Variants in TAMM41 observed in about 807,000 individuals in gnomAD.
TAMM41 encodes the protein TAM41 mitochondrial translocator assembly and maintenance homolog.
Under a neutral mutation model 44.1 loss-of-function variants are expected in TAMM41, and 36 were observed. The observed-to-expected ratio is 0.82, with a 90% CI of 0.63 to 1.08. The LOEUF is 1.08. TAMM41 is among the 50% of genes least tolerant of loss of function. The pLI is 0.00. For missense variants in TAMM41, 417 were observed against 404.3 expected (o/e 1.03, Z -0.27); for synonymous variants, 164 against 153.1 (o/e 1.07, Z -0.53).
chr3:11,799,290 T>C (rs1309127356), intron 7 of TAMM41, among the ~76,000 whole-genome samples: 1 of 152,100 alleles, frequency 6.6e-6, no homozygotes, highest in Non-Finnish European at 1.5e-5. Flanking sequence ...AAACCAAACA[T>C]AATCTTCACA....
At chr3:11,778,209 T>A in the TAMM41 span, among the ~76,000 whole-genome samples, 1 of 151,728 alleles carries the variant, frequency 6.6e-6, no homozygotes, top group African/African-American at 2.4e-5. Flanking sequence ...ATTTCTCGGT[T>A]ATATGAGAAC....
chr3:11,737,346 G>A, the TAMM41 span, among the ~76,000 whole-genome samples: 1 of 140,378 alleles, frequency 7.1e-6, no homozygotes, highest in African/African-American at 2.7e-5. Flanking sequence ...TTGAGACAGA[G>A]TTTCACTCTT....
the TAMM41 span, among the ~76,000 whole-genome samples, chr3:11,725,148 T>C: frequency 7.6e-6 from 1 of 131,372 alleles, no homozygotes; most frequent in African/African-American, 2.9e-5. Context: ...TCTCCTCTTC[T>C]CCTTCCTCTT....
rs73134807 is a variant in TAMM41, at chr3:11,814,689, G to A, written c.708+2503C>T. ...TAGAAAAGGCCCACTGAGGCTGGGC[G>A]CTGTGGCTCACACCAGTTAACCCAA... is the stretch of plus-strand genomic sequence containing the variant. On this transcript the variant is annotated intron_variant, in intron 5 of 7. Transcript: ENST00000455809. 4.8e-3 allele frequency among the ~76,000 whole-genome samples: 736 copies of A among 152,316 alleles called. 4 individuals are homozygous for A. The highest frequency in any genetic ancestry group is 0.034 in the Middle Eastern group (10 of 294).
chr3:11,845,086 G>A (rs907211720), intron 1 of TAMM41: 18 of 436,414 alleles, frequency 4.1e-5, no homozygotes, highest in Middle Eastern at 3.4e-4. Flanking sequence ...GGAAGCTGCC[G>A]TCAGATATGA....
chr3:11,845,085 C>T (rs777110606), intron 1 of TAMM41: 23 of 436,536 alleles, frequency 5.3e-5, no homozygotes, highest in South Asian at 3.0e-4. Flanking sequence ...TGGAAGCTGC[C>T]GTCAGATATG....
At chr3:11,807,007 C>CA (rs2077929157) in intron 7 of TAMM41, 2 of 218,586 alleles carry the variant, frequency 9.1e-6, no homozygotes, top group South Asian at 3.3e-4. Flanking sequence ...TGAAGACAGA[C>CA]AAAAAAGACT....
At position 11,846,878 on chromosome 3, in the gene TAMM41, G is replaced by A; in HGVS notation, c.-242C>T. ...GGTGGGCGGCGGTCGCACAGGCAGAGCTTCCGTCCCTTGCTACGCCCCACG... is the reference window on the plus strand; with the variant it reads ...GGTGGGCGGCGGTCGCACAGGCAGAACTTCCGTCCCTTGCTACGCCCCACG... On this transcript the variant is annotated 5_prime_UTR_variant, in exon 1 of 8. Transcript: ENST00000455809. The A allele has an allele frequency of 5.7e-6, 3 of 527,158 alleles. No homozygotes were observed. Among genetic ancestry groups the A allele is most frequent in the African/African-American group, 1.9e-5 (1 of 52,218 alleles). 32.7% of individuals were successfully genotyped at this position (527,158 alleles called of 1,614,324 possible). A position where few individuals can be genotyped will look rare whatever the true frequency, so the allele number is the denominator to read the frequency against.
At chr3:11,749,937 G>A in the TAMM41 span, among the ~76,000 whole-genome samples, 1 of 142,572 alleles carries the variant, frequency 7.0e-6, no homozygotes, top group South Asian at 2.2e-4. Context: ...TTGCTCTGTT[G>A]CCCAGGCTGG....
chr3:11,808,345 C>T (rs2077982292), intron 6 of TAMM41: 22 of 1,005,380 alleles, frequency 2.2e-5, no homozygotes, highest in South Asian at 1.3e-4. Flanking sequence ...CTCAAAGAGA[C>T]GGCCCAGATC....
At chr3:11,795,657 CTTTG>C (rs1350945243) in intron 7 of TAMM41, among the ~76,000 whole-genome samples, 1 of 152,160 alleles carries the variant, frequency 6.6e-6, no homozygotes, top group Non-Finnish European at 1.5e-5. Flanking sequence ...CTTTTAAAGT[CTTTG>C]TTTGGCCCCT....
chr3:11,767,625 C>CCTTTTTTTTTTTTT, the TAMM41 span, among the ~76,000 whole-genome samples: 1 of 27,910 alleles, frequency 3.6e-5, no homozygotes, highest in African/African-American at 2.7e-4. Context: ...ACACGTTGTG[C>CCTTTTTTTTTTTTT]ATTTTTTTTT....
the TAMM41 span, among the ~76,000 whole-genome samples, chr3:11,776,158 C>T: frequency 7.3e-5 from 11 of 151,566 alleles, no homozygotes; most frequent in East Asian, 5.8e-4. Flanking sequence ...GGACTACAGG[C>T]GCCCGCCACC....
chr3:11,755,360 C>T, the TAMM41 span, among the ~76,000 whole-genome samples: 1 of 152,074 alleles, frequency 6.6e-6, no homozygotes, highest in African/African-American at 2.4e-5. Context: ...GAAGAGTCGG[C>T]TTGTGGGGAA....
the TAMM41 span, among the ~76,000 whole-genome samples, chr3:11,723,549 C>G: frequency 6.7e-6 from 1 of 149,860 alleles, no homozygotes; most frequent in Non-Finnish European, 1.5e-5. Context: ...CCACTACATT[C>G]CAGCCTGGGT....
At chr3:11,724,394 C>T in the TAMM41 span, among the ~76,000 whole-genome samples, 2 of 150,898 alleles carry the variant, frequency 1.3e-5, no homozygotes, top group Non-Finnish European at 2.9e-5. Flanking sequence ...TGAGCCACCG[C>T]ACCTGGCCTA....
At chr3:11,722,344 AG>A in the TAMM41 span, among the ~76,000 whole-genome samples, 1 of 150,858 alleles carries the variant, frequency 6.6e-6, no homozygotes, top group Non-Finnish European at 1.5e-5. Flanking sequence ...AGTTGTGCAA[AG>A]GAGAGACACA....
the TAMM41 span, among the ~76,000 whole-genome samples, chr3:11,783,211 G>A: frequency 2.0e-5 from 3 of 152,222 alleles, no homozygotes; most frequent in African/African-American, 7.2e-5. Context: ...GCTCATCAGT[G>A]CTGGGCTTTC....
chr3:11,752,805 T>C, the TAMM41 span, among the ~76,000 whole-genome samples: 1 of 151,744 alleles, frequency 6.6e-6, no homozygotes, highest in Non-Finnish European at 1.5e-5. Context: ...CATGCCACCA[T>C]GGCTGGTTAA....
Sources: allele counts gnomAD v4.1 joint callset (sites outside exome capture counted in the v4.1 genomes callset), GRCh38; gene constraint gnomAD v4.1.1; transcripts MANE v1.5; gene names NCBI Gene and HGNC (gene_info 2026-07-23, HGNC 2026-07-21).